KHDRBS1: variants seen among roughly 807,000 people sequenced by gnomAD.
KHDRBS1 encodes the protein KH RNA binding domain containing, signal transduction associated 1, also known as KH domain-containing, RNA-binding, signal transduction-associated protein 1.
A neutral mutation model predicts 48.4 loss-of-function variants in KHDRBS1; 7 were observed. The ratio of observed to expected loss-of-function variants is 0.14; its 90% confidence interval spans 0.08 to 0.27. The LOEUF is 0.27. KHDRBS1 is among the 10% of genes least tolerant of loss of function. The pLI is 1.00. For missense variants in KHDRBS1, 458 were observed against 601.2 expected (o/e 0.76, Z 2.49); for synonymous variants, 241 against 235.8 (o/e 1.02, Z -0.20).
At chr1:32,051,662 T>C (rs1341846598) in intron 10 of KHDRBS1, among the ~76,000 whole-genome samples, 1 of 152,154 alleles carries the variant, frequency 6.6e-6, no homozygotes, top group Non-Finnish European at 1.5e-5. Flanking sequence ...ACAGTTTCCA[T>C]AGAGTCTCCA....
intron 1 of KHDRBS1, among the ~76,000 whole-genome samples, chr1:32,015,320 C>G (rs1322719049): frequency 6.6e-6 from 1 of 152,184 alleles, no homozygotes; most frequent in Non-Finnish European, 1.5e-5. Flanking sequence ...AGCTGTCTGA[C>G]TTTCGCTTCT....
At chr1:32,017,070 C>A (rs1202060246) in intron 1 of KHDRBS1, among the ~76,000 whole-genome samples, 1 of 152,110 alleles carries the variant, frequency 6.6e-6, no homozygotes, top group Non-Finnish European at 1.5e-5. Flanking sequence ...CCAGCCTGGC[C>A]AACATGGTGA....
Position 32,043,518 on chromosome 1 carries a change from G to C in KHDRBS1, c.*894G>C, listed in dbSNP as rs955242850. On this transcript the variant is annotated 3_prime_UTR_variant, in exon 9 of 9. Coordinates refer to ENST00000327300, the MANE Select transcript of KHDRBS1 (RefSeq NM_006559.3). ...TAATTAAATTTTCAGTATTTAAAAA[G>C]ACAAAGTATTTTGTCCATTTGAGAT... The C allele has an allele frequency of 1.3e-5, 2 of 152,596 alleles. No individual in the cohort carries two copies. The highest frequency in any genetic ancestry group is 2.9e-5 in the Non-Finnish European group (2 of 68,018). The allele number at this position is 152,596 out of a possible 1,614,324, so 9.5% of individuals were successfully genotyped here.
At chr1:32,053,761 G>A (rs1369295896) in intron 10 of KHDRBS1, among the ~76,000 whole-genome samples, 2 of 152,250 alleles carry the variant, frequency 1.3e-5, no homozygotes, top group Admixed American at 6.5e-5. Context: ...TTCGACACTT[G>A]GGAAGATCAA....
At chr1:32,060,555 A>C (rs1639531550) in exon 11 of KHDRBS1, 1 of 151,994 alleles carries the variant, frequency 6.6e-6, no homozygotes, top group South Asian at 2.1e-4. Context: ...CTGTTTCCCC[A>C]CTACCACACC....
intron 1 of KHDRBS1, among the ~76,000 whole-genome samples, chr1:32,018,495 C>A (rs1488689485): frequency 6.6e-6 from 1 of 151,526 alleles, no homozygotes; most frequent in African/African-American, 2.4e-5. Flanking sequence ...GTGGCTCACG[C>A]CTGTAATCCC....
chr1:32,035,354 T>G (rs1285052839), intron 4 of KHDRBS1, among the ~76,000 whole-genome samples: 3 of 152,026 alleles, frequency 2.0e-5, no homozygotes, highest in Admixed American at 2.0e-4. Context: ...AGCGGTAATG[T>G]GTAAGGTAGG....
At chr1:32,017,331 T>C (rs1231607307) in intron 1 of KHDRBS1, among the ~76,000 whole-genome samples, 1 of 152,164 alleles carries the variant, frequency 6.6e-6, no homozygotes, top group Non-Finnish European at 1.5e-5. Context: ...CAGATTGATA[T>C]TCAGCTGTGA....
intron 4 of KHDRBS1, among the ~76,000 whole-genome samples, chr1:32,036,163 A>ATTTTTTTTTTTTTTTTTTT (rs397742842): frequency 9.9e-5 from 6 of 60,470 alleles, no homozygotes; most frequent in African/African-American, 4.4e-4. Flanking sequence ...CATTTTGAAG[A>ATTTTTTTTTTTTTTTTTTT]TTTTTTTTTT....
At chr1:32,030,618 A>G (rs1317239542) in intron 2 of KHDRBS1, among the ~76,000 whole-genome samples, 196 bp downstream of exon 2, 1 of 152,222 alleles carries the variant, frequency 6.6e-6, no homozygotes, top group African/African-American at 2.4e-5. Context: ...ATAGCCAGGA[A>G]GGAAATATAA....
chr1:32,035,265 G>T (rs1181919174), intron 4 of KHDRBS1, among the ~76,000 whole-genome samples: 1 of 152,212 alleles, frequency 6.6e-6, no homozygotes, highest in Admixed American at 6.5e-5. Context: ...GGTTTCCTCA[G>T]TGTTGATGTG....
chr1:32,041,583 CTTTTTTTTT>C (rs370173805), intron 8 of KHDRBS1, among the ~76,000 whole-genome samples: 1 of 75,582 alleles, frequency 1.3e-5, no homozygotes, highest in African/African-American at 4.7e-5. Context: ...AGGAATTATC[CTTTTTTTTT>C]TTTTTTTTTT....
chr1:32,051,145 G>A (rs926507267), intron 10 of KHDRBS1, among the ~76,000 whole-genome samples: 12 of 152,214 alleles, frequency 7.9e-5, no homozygotes, highest in Admixed American at 3.3e-4. Flanking sequence ...TGATCCGCCC[G>A]CATCAGCCTC....
At chr1:32,037,706 C>T in intron 5 of KHDRBS1, 129 bp from the exon 6 acceptor site, 1 of 1,011,630 alleles carries the variant, frequency 9.9e-7, no homozygotes. Context: ...GTACATTCCT[C>T]TGTGCTTTAA....
At chr1:32,054,759 A>G (rs1639460862) in intron 10 of KHDRBS1, among the ~76,000 whole-genome samples, 2 of 152,158 alleles carry the variant, frequency 1.3e-5, no homozygotes, top group Non-Finnish European at 2.9e-5. Context: ...TTCTTAAAAC[A>G]TTATGAGATT....
At chr1:32,028,663 C>T (rs952398347) in intron 1 of KHDRBS1, among the ~76,000 whole-genome samples, 5 of 151,280 alleles carry the variant, frequency 3.3e-5, no homozygotes, top group African/African-American at 7.3e-5. Flanking sequence ...CCGCCACGCC[C>T]GGCTAAATTT....
At chr1:32,053,279 A>G (rs955416425) in intron 10 of KHDRBS1, among the ~76,000 whole-genome samples, 3 of 152,248 alleles carry the variant, frequency 2.0e-5, no homozygotes, top group African/African-American at 7.2e-5. Context: ...GGAGTGCCAG[A>G]GAAAGGTGAT....
At chr1:32,056,605 A>G (rs1639482265) in intron 10 of KHDRBS1, among the ~76,000 whole-genome samples, 1 of 152,170 alleles carries the variant, frequency 6.6e-6, no homozygotes, top group Non-Finnish European at 1.5e-5. Context: ...GGGGTCTTCT[A>G]ACTCCAGCAG....
intron 1 of KHDRBS1, among the ~76,000 whole-genome samples, chr1:32,016,983 C>T (rs759601145): frequency 6.6e-6 from 1 of 152,140 alleles, no homozygotes; most frequent in Non-Finnish European, 1.5e-5. Context: ...GACAGCCGTG[C>T]ACGGTGGCTC....
Sources: gnomAD v4.1 joint callset for allele counts (sites outside exome capture counted in the v4.1 genomes callset) on GRCh38, gnomAD v4.1.1 for gene constraint, MANE v1.5 for transcripts, NCBI Gene and HGNC (gene_info 2026-07-23, HGNC 2026-07-21) for gene names.